Variants in MGST1 observed in about 807,000 individuals in gnomAD.
MGST1 encodes microsomal glutathione S-transferase 1.
In MGST1, 5 loss-of-function variants were observed where a neutral mutation model predicts 8.9. The observed-to-expected ratio is 0.56, with a 90% CI of 0.29 to 1.19. MGST1 has a LOEUF of 1.19. Among genes scored for constraint, MGST1 ranks in the 50% most tolerant of loss-of-function variants. The pLI is 0.08. For missense variants in MGST1, 182 were observed against 187.4 expected, an observed-to-expected ratio of 0.97 and a Z score of 0.17; for synonymous variants, 54 against 67.8, an observed-to-expected ratio of 0.80 and a Z score of 1.00.
intron 1 of MGST1, 39 bp from the exon 2 acceptor site, chr12:16,354,192 T>C (rs1423873389): frequency 1.4e-6 from 2 of 1,455,114 alleles, no homozygotes; most frequent in Non-Finnish European, 1.9e-6. Context: ...TTTGGGTATT[T>C]ATGTCTGCTT....
chr12:16,359,160 T>A (rs991813752), intron 3 of MGST1, among the ~76,000 whole-genome samples: 1 of 152,188 alleles, frequency 6.6e-6, no homozygotes, highest in Non-Finnish European at 1.5e-5. Flanking sequence ...TTTTAAGTTG[T>A]ATGTTATTTC....
intron 1 of MGST1, among the ~76,000 whole-genome samples, chr12:16,419,096 C>T (rs958100231): frequency 3.3e-5 from 5 of 152,174 alleles, no homozygotes; most frequent in African/African-American, 1.2e-4. Context: ...CACTTCTCTT[C>T]AAGATCCTAC....
chr12:16,489,144 G>T (rs1941420431), intron 4 of MGST1, among the ~76,000 whole-genome samples: 1 of 151,634 alleles, frequency 6.6e-6, no homozygotes, highest in African/African-American at 2.4e-5. Context: ...AAAATAAATA[G>T]GTAAATACTT....
chr12:16,481,880 T>C (rs1280414756), intron 4 of MGST1, among the ~76,000 whole-genome samples: 9 of 152,166 alleles, frequency 5.9e-5, no homozygotes, highest in African/African-American at 2.2e-4. Flanking sequence ...TCCTCAAGCT[T>C]CATATTCTGA....
intron 4 of MGST1, chr12:16,514,312 A>G: frequency 3.4e-6 from 1 of 297,100 alleles, no homozygotes; most frequent in Non-Finnish European, 6.7e-6. Flanking sequence ...GAAGATCTTG[A>G]TGTGTCCCAT....
At chr12:16,479,088 T>A (rs1263176019) in intron 4 of MGST1, among the ~76,000 whole-genome samples, 1 of 152,024 alleles carries the variant, frequency 6.6e-6, no homozygotes, top group Non-Finnish European at 1.5e-5. Flanking sequence ...TCACTTAGCA[T>A]GTTTTTGAGG....
intron 4 of MGST1, among the ~76,000 whole-genome samples, chr12:16,468,135 T>C (rs1366596644): frequency 1.3e-5 from 2 of 152,178 alleles, no homozygotes; most frequent in African/African-American, 2.4e-5. Context: ...CAGAAGCTCA[T>C]TCTATTTCCA....
chr12:16,402,259 A>G (rs1940662409), intron 1 of MGST1: 5 of 1,588,906 alleles, frequency 3.1e-6, no homozygotes, highest in East Asian at 4.5e-5. Context: ...CCAAAGAGCC[A>G]TGTCTGTAAG....
At chr12:16,351,393 T>C (rs1939457035) in intron 1 of MGST1, among the ~76,000 whole-genome samples, 1 of 152,204 alleles carries the variant, frequency 6.6e-6, no homozygotes, top group Non-Finnish European at 1.5e-5. Flanking sequence ...TAACATACTG[T>C]GCTTTCAAGA....
intron 4 of MGST1, among the ~76,000 whole-genome samples, chr12:16,445,352 A>G (rs1184068150): frequency 2.6e-5 from 4 of 151,908 alleles, no homozygotes; most frequent in Non-Finnish European, 4.4e-5. Context: ...TGCTGAGTTG[A>G]TAGACCCTTG....
At chr12:16,374,340 G>T (rs1189358477) in intron 3 of MGST1, among the ~76,000 whole-genome samples, 1 of 151,824 alleles carries the variant, frequency 6.6e-6, no homozygotes, top group Non-Finnish European at 1.5e-5. Context: ...TTTTAAAATT[G>T]CTCCTAGTTT....
chr12:16,581,675 A>T (rs1943163523), intron 4 of MGST1, among the ~76,000 whole-genome samples: 1 of 152,110 alleles, frequency 6.6e-6, no homozygotes, highest in African/African-American at 2.4e-5. Flanking sequence ...TCTCATTGAG[A>T]TTTTTCTGTG....
chr12:16,424,393 A>C (rs892917091), intron 1 of MGST1, among the ~76,000 whole-genome samples: 1 of 152,182 alleles, frequency 6.6e-6, no homozygotes, highest in Non-Finnish European at 1.5e-5. Flanking sequence ...AAAAAATTCA[A>C]CTTTCTCTGC....
chr12:16,375,767 A>G (rs1298992172), intron 3 of MGST1, among the ~76,000 whole-genome samples: 3 of 151,908 alleles, frequency 2.0e-5, no homozygotes, highest in Non-Finnish European at 4.4e-5. Flanking sequence ...AACAAAACAA[A>G]GATAATTATT....
chr12:16,461,900 A>T (rs1173252430), intron 4 of MGST1, among the ~76,000 whole-genome samples: 1 of 152,124 alleles, frequency 6.6e-6, no homozygotes, highest in African/African-American at 2.4e-5. Flanking sequence ...TGGTTTACCA[A>T]GATGATTAGT....
intron 4 of MGST1, among the ~76,000 whole-genome samples, chr12:16,476,921 A>G (rs1243708951): frequency 6.6e-6 from 1 of 152,200 alleles, no homozygotes; most frequent in Non-Finnish European, 1.5e-5. Flanking sequence ...TGAAGTCAGG[A>G]GATCTGGGTT....
exon 2 of MGST1, chr12:16,438,458 C>T (rs1303979836): frequency 1.3e-5 from 2 of 151,756 alleles, no homozygotes; most frequent in Admixed American, 6.6e-5. Flanking sequence ...GGGTTTCAGA[C>T]GTTGCTTAGC....
At chr12:16,496,454 C>T (rs1452205870) in intron 4 of MGST1, among the ~76,000 whole-genome samples, 1 of 152,056 alleles carries the variant, frequency 6.6e-6, no homozygotes, top group East Asian at 1.9e-4. Context: ...CACAAAACAG[C>T]AACACACATT....
At chr12:16,423,858 C>T (rs1391907437) in intron 1 of MGST1, among the ~76,000 whole-genome samples, 1 of 152,148 alleles carries the variant, frequency 6.6e-6, no homozygotes. Context: ...CTCACCAGGC[C>T]CTTTCTGCTA....
Sources: allele counts gnomAD v4.1 joint callset (sites outside exome capture counted in the v4.1 genomes callset), GRCh38; gene constraint gnomAD v4.1.1; transcripts MANE v1.5; gene names NCBI Gene and HGNC (gene_info 2026-07-23, HGNC 2026-07-21).